SAMD3: variants seen among roughly 807,000 people sequenced by gnomAD.
SAMD3 encodes the protein sterile alpha motif domain-containing protein 3.
Under a neutral mutation model 58.5 loss-of-function variants are expected in SAMD3, and 63 were observed. The observed-to-expected ratio is 1.08, with a 90% CI of 0.88 to 1.33. The LOEUF (loss-of-function observed/expected upper bound fraction) is 1.33, where lower values mean the gene tolerates loss of function less well. Ranked by LOEUF, SAMD3 falls within the 40% of genes most tolerant of loss-of-function variation. SAMD3 has a pLI of 0.00. For synonymous variants in SAMD3, 220 were observed against 210.3 expected (o/e 1.05, Z -0.40); for missense variants, 604 against 608.4 (o/e 0.99, Z 0.08).
At chr6:130,335,096 T>A (rs1022789884) in intron 1 of SAMD3, among the ~76,000 whole-genome samples, 1 of 152,220 alleles carries the variant, frequency 6.6e-6, no homozygotes, top group African/African-American at 2.4e-5. Context: ...CCGCTATTTT[T>A]CTCAAAGTTG....
At chr6:130,326,296 G>A (rs1294510519) in intron 1 of SAMD3, among the ~76,000 whole-genome samples, 5 of 150,594 alleles carry the variant, frequency 3.3e-5, no homozygotes, top group Admixed American at 6.6e-5. Context: ...TATGTCTCCT[G>A]CCATATACCC....
At chr6:130,321,760 G>T (rs574152925) in intron 1 of SAMD3, among the ~76,000 whole-genome samples, 10 of 151,660 alleles carry the variant, frequency 6.6e-5, no homozygotes, top group African/African-American at 2.4e-4. Context: ...ACACTGCCTG[G>T]CCAAGCTACG....
chr6:130,279,872 G>A (rs1049188172), intron 2 of SAMD3, among the ~76,000 whole-genome samples: 7 of 152,086 alleles, frequency 4.6e-5, no homozygotes, highest in Non-Finnish European at 7.4e-5. Flanking sequence ...CTGACATACA[G>A]TAGGAGCTAA....
rs192954823 is a variant in SAMD3, at chr6:130,215,233, A to G, written c.41T>C (p.Val14Ala). ...WSVEQVCSWLVEKNLGELVHR... is the reference protein window; with the variant it reads ...WSVEQVCSWLAEKNLGELVHR... ...AACTAGCTCTCCTAAATTTTTCTCC[A>G]CCAACCAACTGCAGACCTGCTCAAC... Residue 14 changes from valine to alanine, a missense_variant, in exon 3 of 12, where the codon GTG becomes GCG. Physicochemically the swap from Val to Ala is moderately conservative, Grantham distance 64. Coordinates refer to ENST00000439090, the MANE Select transcript of SAMD3 (RefSeq NM_001017373.4). 4.3e-6 allele frequency: 7 copies of G among 1,611,178 alleles called. No individual in the cohort carries two copies. In the East Asian group the frequency reaches 1.1e-4, roughly 26 times the overall value.
intron 1 of SAMD3, among the ~76,000 whole-genome samples, chr6:130,336,806 A>G (rs1194815418): frequency 2.0e-5 from 3 of 152,172 alleles, no homozygotes; most frequent in Non-Finnish European, 4.4e-5. Flanking sequence ...TCCATTCAAG[A>G]TGTGGAATTT....
intron 1 of SAMD3, among the ~76,000 whole-genome samples, chr6:130,319,878 A>G (rs544313587): frequency 6.6e-6 from 1 of 152,312 alleles, no homozygotes; most frequent in South Asian, 2.1e-4. Flanking sequence ...AAATACCCAG[A>G]AGGGGAAAAT....
upstream of SAMD3, among the ~76,000 whole-genome samples, chr6:130,224,055 G>C (rs962843503): frequency 6.6e-6 from 1 of 152,130 alleles, no homozygotes; most frequent in Non-Finnish European, 1.5e-5. Context: ...GGATCCACAA[G>C]GGGAATGGAA....
Position 130,264,732 on chromosome 6 carries a change from T to C in SAMD3, c.-187-41919A>G, listed in dbSNP as rs571391770. Among the ~76,000 whole-genome samples, 138 of 152,298 alleles carry C rather than the reference T, an allele frequency of 9.1e-4. 1 individual carries two copies. Among genetic ancestry groups the C allele is most frequent in the African/African-American group, 3.2e-3 (132 of 41,562 alleles). ...GGTGACAGTTAATAAAAATGTAGAT[T>C]AGATAAACTACATCTATTACAACCA... On this transcript the variant is annotated intron_variant, in intron 2 of 13. Transcript: ENST00000368134.
rs1168407056 is a variant in SAMD3 at position 130,155,374 on chromosome 6, T to C, written c.823-349A>G. Among the ~76,000 whole-genome samples the C allele has an allele frequency of 2.0e-5, 3 of 152,248 alleles. No individual in the cohort carries two copies. The East Asian group carries it at 5.8e-4, about 29-fold the overall frequency. ...TAGAAGATAAAATGTTAAGAAGATA[T>C]TTTTAAAAGTATTAAGGTTTTGTTA... On this transcript the variant is annotated intron_variant, in intron 8 of 11. Coordinates refer to ENST00000439090, the MANE Select transcript of SAMD3 (RefSeq NM_001017373.4).
At chr6:130,262,022 G>C (rs1774158679) in intron 2 of SAMD3, among the ~76,000 whole-genome samples, 1 of 151,294 alleles carries the variant, frequency 6.6e-6, no homozygotes, top group South Asian at 2.1e-4. Flanking sequence ...AAGTCAAAGA[G>C]AGAAAGACAA....
chr6:130,251,257 C>A (rs910840356), intron 2 of SAMD3, among the ~76,000 whole-genome samples: 24 of 151,958 alleles, frequency 1.6e-4, no homozygotes, highest in Non-Finnish European at 1.5e-5. Context: ...AACTCTTTGC[C>A]CTTTTAAAAT....
intron 8 of SAMD3, among the ~76,000 whole-genome samples, chr6:130,165,838 T>A (rs2114631512): frequency 6.6e-6 from 1 of 152,286 alleles, no homozygotes; most frequent in East Asian, 1.9e-4. Flanking sequence ...AAATGGGGCA[T>A]TTGACAGAGG....
intron 5 of SAMD3, among the ~76,000 whole-genome samples, chr6:130,201,677 T>C (rs1181333554): frequency 1.3e-5 from 2 of 152,236 alleles, no homozygotes; most frequent in African/African-American, 4.8e-5. Flanking sequence ...TCTCTGCCTC[T>C]ATCACATTCC....
At chr6:130,192,290 T>C (rs1281067501) in intron 5 of SAMD3, among the ~76,000 whole-genome samples, 1 of 152,230 alleles carries the variant, frequency 6.6e-6, no homozygotes, top group Non-Finnish European at 1.5e-5. Flanking sequence ...TTGTGTTTTC[T>C]TTTCTTTTTT....
intron 2 of SAMD3, among the ~76,000 whole-genome samples, chr6:130,264,573 A>G (rs1470260257): frequency 6.6e-6 from 1 of 152,206 alleles, no homozygotes; most frequent in African/African-American, 2.4e-5. Flanking sequence ...AAGACATCAT[A>G]AAGCGGGAGA....
At chr6:130,302,446 T>G (rs1387218586) in intron 2 of SAMD3, among the ~76,000 whole-genome samples, 1 of 152,104 alleles carries the variant, frequency 6.6e-6, no homozygotes, top group Admixed American at 6.5e-5. Flanking sequence ...GGCAAAGATA[T>G]GAAGAAAAGA....
chr6:130,276,644 G>T (rs1774785471), intron 2 of SAMD3, among the ~76,000 whole-genome samples: 1 of 151,934 alleles, frequency 6.6e-6, no homozygotes, highest in African/African-American at 2.4e-5. Flanking sequence ...TTATAATAAG[G>T]GTATAATTCC....
At chr6:130,340,466 C>T (rs971947667) in intron 1 of SAMD3, among the ~76,000 whole-genome samples, 11 of 152,166 alleles carry the variant, frequency 7.2e-5, no homozygotes, top group African/African-American at 2.7e-4. Context: ...GGATAATCTC[C>T]CCTTCTCAAT....
At chr6:130,285,818 A>G (rs2114956118) in intron 2 of SAMD3, among the ~76,000 whole-genome samples, 1 of 152,346 alleles carries the variant, frequency 6.6e-6, no homozygotes, top group South Asian at 2.1e-4. Flanking sequence ...GGTTGCAAAG[A>G]TAACTAAGAC....
Sources: gnomAD v4.1 joint callset for allele counts (sites outside exome capture counted in the v4.1 genomes callset) on GRCh38, gnomAD v4.1.1 for gene constraint, MANE v1.5 for transcripts, NCBI Gene and HGNC (gene_info 2026-07-23, HGNC 2026-07-21) for gene names.